The following PYGB variants were observed in gnomAD, a reference collection of about 807,000 sequenced individuals.
PYGB encodes the protein glycogen phosphorylase, brain form.
A neutral mutation model predicts 94.3 loss-of-function variants in PYGB; 82 were observed. The ratio of observed to expected loss-of-function variants is 0.87; its 90% CI spans 0.73 to 1.04. The LOEUF is 1.04. Ranked by LOEUF, PYGB falls within the 50% of genes least tolerant of loss-of-function variation. The pLI is 0.00. For missense variants in PYGB, 1,132 were observed against 1,158.2 expected (o/e 0.98, Z 0.33); for synonymous variants, 488 against 479.1 (o/e 1.02, Z -0.24).
intron 14 of PYGB, among the ~76,000 whole-genome samples, chr20:25,287,699 G>A (rs2088429668): frequency 6.6e-6 from 1 of 152,150 alleles, no homozygotes; most frequent in South Asian, 2.1e-4. Flanking sequence ...GTGGTAGAGT[G>A]CGAGGCGCGG....
At position 25,292,398 on chromosome 20, in the gene PYGB, C is replaced by T. The variant is rs201999133; in HGVS notation, c.1970-8C>T. On this transcript the variant is annotated splice_region_variant and splice_polypyrimidine_tract_variant and intron_variant, in intron 16 of 19. Transcript: ENST00000216962. ...ACAGTGATCCCCTCCACGGGCTCCC[C>T]TCCACAGTGATCCCGGCCGCTGATC... The T allele has an allele frequency of 3.3e-5, 53 of 1,612,574 alleles. No individual in the cohort carries two copies. Among genetic ancestry groups the T allele is most frequent in the Non-Finnish European group, 4.3e-5 (51 of 1,179,936 alleles).
Position 25,288,577 on chromosome 20 carries a change from TACTCGGGAACCGGATGCCCAGCGGTC to T in PYGB, c.1827+97_1827+122del, listed in dbSNP as rs573784429. 92 of 1,436,664 alleles carry T rather than the reference TACTCGGGAACCGGATGCCCAGCGGTC, an allele frequency of 6.4e-5. No homozygotes were observed. In the East Asian group the frequency reaches 1.0e-3, roughly 16 times the overall value. 89.0% of individuals were successfully genotyped at this position (1,436,664 alleles called of 1,614,324 possible). A position where few individuals can be genotyped will look rare whatever the true frequency, so the allele number is the denominator to read the frequency against. ...GCTTCTCATGGTGCCACCACATCCA[TACTCGGGAACCGGATGCCCAGCGGTC>T]ACCGGCCCCTCTGGTATGCCTGTGG... On this transcript the variant is annotated intron_variant, in intron 15 of 19. Coordinates refer to ENST00000216962, the MANE Select transcript of PYGB (RefSeq NM_002862.4).
At chr20:25,288,330 C>T (rs753457577) in intron 14 of PYGB, 95 bp from the exon 15 acceptor site, 1 of 1,380,868 alleles carries the variant, frequency 7.2e-7, no homozygotes, top group East Asian at 2.3e-5. Flanking sequence ...GCGTGCCTGT[C>T]CTGCCTCAGG....
In PYGB at chr20:25,277,719, A is replaced by G. The variant is rs1395935500; in HGVS notation, c.855+393A>G. 2.0e-5 allele frequency among the ~76,000 whole-genome samples: 3 copies of G among 152,234 alleles called. No homozygotes were observed. In the East Asian group the frequency reaches 5.8e-4, roughly 29 times the overall value. On this transcript the variant is annotated intron_variant, in intron 7 of 19. Coordinates refer to ENST00000216962, the MANE Select transcript of PYGB (RefSeq NM_002862.4). Reference sequence around the variant, plus strand: ...AGCAGGTGATCTGTCTGTCCAGGGGACCGTAGCGCCTACTTGGCATTGATG... The same window carrying G: ...AGCAGGTGATCTGTCTGTCCAGGGGGCCGTAGCGCCTACTTGGCATTGATG...
rs749138094 is a variant in PYGB, at chr20:25,277,230, C to T, written c.773-14C>T. The T allele has an allele frequency of 6.5e-7, 1 of 1,541,956 alleles. No individual in the cohort carries two copies. The highest frequency in any genetic ancestry group is 9.0e-7 in the Non-Finnish European group (1 of 1,114,364). On this transcript the variant is annotated splice_polypyrimidine_tract_variant and intron_variant, in intron 6 of 19. Transcript: ENST00000216962. ...GAGGCATGTGTGTGTTGACCCCGCTCCATTTCTTCTTAGTCAACGTGGGAG... is the reference window on the plus strand; with the variant it reads ...GAGGCATGTGTGTGTTGACCCCGCTTCATTTCTTCTTAGTCAACGTGGGAG...
chr20:25,276,578 C>T lies in PYGB; in HGVS notation c.661-68C>T, dbSNP rs1049328246. 276 of 1,369,130 alleles carry T rather than the reference C, an allele frequency of 2.0e-4. 1 individual carries two copies. The highest frequency in any genetic ancestry group is 2.6e-4 in the Non-Finnish European group (255 of 969,350). The allele number at this position is 1,369,130 out of a possible 1,614,324, so 84.8% of individuals were successfully genotyped here. On this transcript the variant is annotated intron_variant, in intron 5 of 19. Coordinates refer to ENST00000216962, the MANE Select transcript of PYGB (RefSeq NM_002862.4). Reference sequence around the variant, plus strand: ...CCAGGTGCCCAGGAGGAGGCTGGGCCGGGGAGAGGCACAGGGGCCGGCGGG... The same window carrying T: ...CCAGGTGCCCAGGAGGAGGCTGGGCTGGGGAGAGGCACAGGGGCCGGCGGG...
At chr20:25,289,323 C>A (rs540147638) in intron 15 of PYGB, among the ~76,000 whole-genome samples, 1 of 152,204 alleles carries the variant, frequency 6.6e-6, no homozygotes, top group East Asian at 1.9e-4. Context: ...CATAGAGATA[C>A]GGAGTTCGAA....
Position 25,296,414 on chromosome 20 carries a change from C to T in PYGB, c.2424C>T (p.Cys808=). 2.5e-6 allele frequency: 4 copies of T among 1,614,074 alleles called. No individual in the cohort carries two copies. Among genetic ancestry groups the T allele is most frequent in the Non-Finnish European group, 3.4e-6 (4 of 1,180,034 alleles). Residue 808 remains cysteine, a synonymous_variant, in exon 20 of 20, where the codon TGC becomes TGT. Transcript: ENST00000216962. ...AGAAGGTCATCAGGAACATCGCCTGCTCGGGCAAGTTCTCCAGTGACCGGA... is the reference window on the plus strand; with the variant it reads ...AGAAGGTCATCAGGAACATCGCCTGTTCGGGCAAGTTCTCCAGTGACCGGA... ...WTKKVIRNIA[C]SGKFSSDRTI... is the part of the protein sequence containing the mutation.
At chr20:25,276,796 G>T in intron 6 of PYGB, 39 bp downstream of exon 6, 4 of 1,582,132 alleles carry the variant, frequency 2.5e-6, no homozygotes, top group Non-Finnish European at 3.5e-6. Flanking sequence ...TGTCCATGTG[G>T]GTGGCTGGTC....
intron 9 of PYGB, 59 bp downstream of exon 9, chr20:25,279,208 G>GCTA: frequency 6.5e-7 from 1 of 1,533,866 alleles, no homozygotes; most frequent in Non-Finnish European, 8.9e-7. Context: ...GCAGACCAGG[G>GCTA]CTACAAGGAG....
rs1162649804 is a variant in PYGB at position 25,248,209 on chromosome 20, C to G, written c.31C>G (p.Arg11Gly). 1 of 1,592,988 alleles carries G rather than the reference C, an allele frequency of 6.3e-7. No individual in the cohort carries two copies. The highest frequency in any genetic ancestry group is 1.7e-5 in the Admixed American group (1 of 57,474). Residue 11 changes from arginine to glycine, a missense_variant, in exon 1 of 20, where the codon CGG (arginine) becomes GGG (glycine). Physicochemically the swap from Arg to Gly is moderately radical, Grantham distance 125. Coordinates refer to ENST00000216962, the MANE Select transcript of PYGB (RefSeq NM_002862.4). ...GAAGCCGCTGACGGACAGCGAGAAGCGGAAGCAGATCAGCGTGCGCGGCCT... is the reference window on the plus strand; with the variant it reads ...GAAGCCGCTGACGGACAGCGAGAAGGGGAAGCAGATCAGCGTGCGCGGCCT... MAKPLTDSEK[R>G]KQISVRGLAG...
At chr20:25,250,524 G>A (rs2092884779) in intron 1 of PYGB, among the ~76,000 whole-genome samples, 1 of 152,194 alleles carries the variant, frequency 6.6e-6, no homozygotes, top group South Asian at 2.1e-4. Flanking sequence ...TGAATAGGAA[G>A]GACATGGAAA....
At position 25,297,816 on chromosome 20, in the gene PYGB, A is replaced by T. The variant is rs999419560; in HGVS notation, c.*1294A>T. ...GGTGCACAGCCCACCAGAGCACTAC[A>T]GCCTTTTATTGAGTGGGGCAAGTGC... On this transcript the variant is annotated 3_prime_UTR_variant, in exon 20 of 20. Transcript: ENST00000216962. The T allele has an allele frequency of 5.9e-5, 8 of 136,446 alleles. No homozygotes were observed. The East Asian group carries it at 3.0e-3, about 50-fold the overall frequency. 8.5% of individuals were successfully genotyped at this position (136,446 alleles called of 1,614,324 possible).
At chr20:25,256,476 A>G (rs913958421) in intron 1 of PYGB, among the ~76,000 whole-genome samples, 2 of 151,670 alleles carry the variant, frequency 1.3e-5, no homozygotes, top group African/African-American at 4.9e-5. Flanking sequence ...AGCCTGGGCA[A>G]CAGAGCGAAA....
At position 25,282,165 on chromosome 20, in the gene PYGB, C is replaced by T. The variant is rs776498651; in HGVS notation, c.1518+18C>T. ...TCGTGGAGGTGAGTCCCGGGCCCCA[C>T]CCGTGCCTGTGGAGATGCCTGGGCT... On this transcript the variant is annotated intron_variant, in intron 12 of 19. Coordinates refer to ENST00000216962, the MANE Select transcript of PYGB (RefSeq NM_002862.4). 1 of 1,585,858 alleles carries T rather than the reference C, an allele frequency of 6.3e-7. No individual in the cohort carries two copies. Among genetic ancestry groups the T allele is most frequent in the Admixed American group, 1.7e-5 (1 of 59,342 alleles).
In PYGB at chr20:25,297,778, A is replaced by G. The variant is rs1192886473; in HGVS notation, c.*1256A>G. On this transcript the variant is annotated 3_prime_UTR_variant, in exon 20 of 20. Transcript: ENST00000216962. ...TCCCTGGCCTCCAGTGCCCACCAGG[A>G]GGATCTGCGCACGGTGCACAGCCCA... is the stretch of plus-strand genomic sequence containing the variant. The G allele has an allele frequency of 6.6e-6, 1 of 152,222 alleles. No homozygotes were observed. The allele number at this position is 152,222 out of a possible 1,614,324, so 9.4% of individuals were successfully genotyped here. A position where few individuals can be genotyped will look rare whatever the true frequency, so the allele number is the denominator to read the frequency against.
intron 1 of PYGB, among the ~76,000 whole-genome samples, chr20:25,256,248 C>T (rs1289102790): frequency 6.6e-6 from 1 of 152,154 alleles, no homozygotes; most frequent in Non-Finnish European, 1.5e-5. Context: ...TTTTCAGAGT[C>T]TGTTAACTCC....
chr20:25,269,007 G>T (rs1339659208), intron 2 of PYGB, 122 bp from the exon 3 acceptor site: 4 of 812,260 alleles, frequency 4.9e-6, no homozygotes, highest in Non-Finnish European at 8.2e-6. Flanking sequence ...GAATTTTCAA[G>T]TCTAACAGAA....
intron 4 of PYGB, among the ~76,000 whole-genome samples, chr20:25,273,196 A>C (rs2123553626): frequency 6.6e-6 from 1 of 152,330 alleles, no homozygotes; most frequent in East Asian, 1.9e-4. Context: ...CCTGCAAGGG[A>C]GACTCAGGCT....
Sources: allele counts gnomAD v4.1 joint callset (sites outside exome capture counted in the v4.1 genomes callset), GRCh38; gene constraint gnomAD v4.1.1; transcripts MANE v1.5; gene names NCBI Gene and HGNC (gene_info 2026-07-23, HGNC 2026-07-21).